Variants in IQSEC3 observed in about 807,000 individuals in gnomAD.
IQSEC3 encodes the protein IQ motif and SEC7 domain-containing protein 3.
IQSEC3 carries 50 observed loss-of-function variants against 105.4 expected under a neutral mutation model. The ratio of observed to expected loss-of-function variants is 0.47; its 90% CI spans 0.38 to 0.60. IQSEC3 has a LOEUF of 0.60. IQSEC3 is among the 20% of genes least tolerant of loss of function. The pLI is 0.00. For missense variants in IQSEC3, 1,415 were observed against 1,630.0 expected, an observed-to-expected ratio of 0.87 and a Z score of 2.27; for synonymous variants, 708 against 746.0, an observed-to-expected ratio of 0.95 and a Z score of 0.83.
intron 3 of IQSEC3, among the ~76,000 whole-genome samples, chr12:131,986 C>G (rs1555085246): frequency 6.6e-6 from 1 of 152,106 alleles, no homozygotes; most frequent in East Asian, 1.9e-4. Context: ...ATAACTTATG[C>G]TCTGTTGGAG....
chr12:167,170 G>C (rs11061708), intron 11 of IQSEC3: 68,994 of 151,916 alleles, frequency 0.45, 17,033 homozygotes, highest in East Asian at 0.57. Flanking sequence ...TTCTTTTCAA[G>C]GGCTGGACCG....
Position 141,301 on chromosome 12 carries a change from T to C in IQSEC3, c.2153+16T>C. ...ACGTGCTGGAGTGAGTACCCCACAC[T>C]CCGGGCTTTCCCCACTCCTTCCCAC... On this transcript the variant is annotated intron_variant, in intron 5 of 13. Coordinates refer to ENST00000538872, the MANE Select transcript of IQSEC3 (RefSeq NM_001170738.2). 6.2e-7 allele frequency: 1 copy of C among 1,603,328 alleles called. No individual in the cohort carries two copies. The highest frequency in any genetic ancestry group is 8.5e-7 in the Non-Finnish European group (1 of 1,171,504).
intron 10 of IQSEC3, 83 bp downstream of exon 10, chr12:165,616 G>A (rs1399506750): frequency 1.3e-6 from 2 of 1,571,050 alleles, no homozygotes; most frequent in Non-Finnish European, 1.8e-6. Flanking sequence ...AGAAGGGCTG[G>A]ACAGCAGAGT....
chr12:112,586 CCTAGA>C (rs1864927767), intron 2 of IQSEC3, among the ~76,000 whole-genome samples: 1 of 152,200 alleles, frequency 6.6e-6, no homozygotes, highest in Non-Finnish European at 1.5e-5. Flanking sequence ...ACCACACTGA[CCTAGA>C]CAAGGCACAA....
intron 5 of IQSEC3, among the ~76,000 whole-genome samples, chr12:155,962 T>C (rs782653526): frequency 2.6e-5 from 4 of 152,122 alleles, no homozygotes; most frequent in African/African-American, 7.2e-5. Flanking sequence ...CCAGGGGACA[T>C]TGGGTCCCCT....
chr12:124,703 G>A (rs1018038388), intron 2 of IQSEC3, among the ~76,000 whole-genome samples: 3 of 152,230 alleles, frequency 2.0e-5, no homozygotes, highest in African/African-American at 7.2e-5. Context: ...AGTGAAAGCT[G>A]CAGTCGTCCA....
chr12:141,063 G>A, intron 4 of IQSEC3, 61 bp from the exon 5 acceptor site: 2 of 1,504,988 alleles, frequency 1.3e-6, no homozygotes, highest in Non-Finnish European at 1.8e-6. Context: ...AAGACAGGGA[G>A]GAAAGAGTCA....
rs1939239795 is a variant in IQSEC3, at chr12:176,430, T to G, written c.*1397T>G. On this transcript the variant is annotated 3_prime_UTR_variant, in exon 14 of 14. Coordinates refer to ENST00000538872, the MANE Select transcript of IQSEC3 (RefSeq NM_001170738.2). This position sits in a 1 kb window ranked among gnomAD's most constrained non-coding sequence, Gnocchi z 4.0. ...CTCCAGTCCTGTGCCAGTAGCTCAC[T>G]GCTGTCCTATGTGCAGGTCCCCCAA... 6.6e-6 allele frequency: 1 copy of G among 152,302 alleles called. No homozygotes were observed. The highest frequency in any genetic ancestry group is 6.5e-5 in the Admixed American group (1 of 15,284). The allele number at this position is 152,302 out of a possible 1,614,324, so 9.4% of individuals were successfully genotyped here. A position where few individuals can be genotyped will look rare whatever the true frequency, so the allele number is the denominator to read the frequency against.
intron 1 of IQSEC3, among the ~76,000 whole-genome samples, chr12:89,193 C>A (rs1864008129): frequency 1.3e-5 from 2 of 152,246 alleles, no homozygotes; most frequent in South Asian, 4.2e-4. Context: ...CCAATTTTCT[C>A]ATTGTCCCAG....
chr12:160,993 G>A (rs2137047155), intron 7 of IQSEC3, among the ~76,000 whole-genome samples: 1 of 152,194 alleles, frequency 6.6e-6, no homozygotes, highest in African/African-American at 2.4e-5. Context: ...CTTTCTCCTT[G>A]GTTTTTCTCA....
At chr12:155,616 C>T (rs1420793484) in intron 5 of IQSEC3, among the ~76,000 whole-genome samples, 6 of 152,158 alleles carry the variant, frequency 3.9e-5, no homozygotes, top group South Asian at 2.1e-4. Flanking sequence ...TAAAAACTGA[C>T]GGCAGAGTTG....
In IQSEC3 at chr12:122,345, G is replaced by A. The variant is rs145157239; in HGVS notation, c.624-3288G>A. Among the ~76,000 whole-genome samples, 313 of 152,328 alleles carry A rather than the reference G, an allele frequency of 2.1e-3. 5 individuals carry two copies. The highest frequency in any genetic ancestry group is 7.0e-3 in the African/African-American group (289 of 41,576). On this transcript the variant is annotated intron_variant, in intron 2 of 13. Coordinates refer to ENST00000538872, the MANE Select transcript of IQSEC3 (RefSeq NM_001170738.2). The stretch of plus-strand genomic sequence containing the variant: ...GGAACAGATGAGGAGACTGGCCCAG[G>A]AGGAGGACACAAATTGCCCAAAGCC...
chr12:101,911 C>T (rs1447935619), intron 2 of IQSEC3, among the ~76,000 whole-genome samples: 2 of 152,194 alleles, frequency 1.3e-5, no homozygotes, highest in African/African-American at 4.8e-5. Flanking sequence ...ATCCCTTCCC[C>T]TAGCCCAGCT....
intron 1 of IQSEC3, among the ~76,000 whole-genome samples, chr12:92,076 G>A (rs7135697): frequency 0.5 from 76,599 of 151,920 alleles, 20,050 homozygotes; most frequent in African/African-American, 0.54. Context: ...ACTACCTCAT[G>A]TTTAGGTTTT....
chr12:80,207 A>G (rs1245091098), intron 1 of IQSEC3, among the ~76,000 whole-genome samples: 1 of 152,236 alleles, frequency 6.6e-6, no homozygotes, highest in Non-Finnish European at 1.5e-5. Flanking sequence ...TCCTGCAGAC[A>G]TGGGTCAGTT....
At chr12:173,000 G>A (rs1366431286) in intron 13 of IQSEC3, among the ~76,000 whole-genome samples, 2 of 152,162 alleles carry the variant, frequency 1.3e-5, no homozygotes, top group African/African-American at 2.4e-5. Flanking sequence ...ATTCGCCTGG[G>A]GAGAGGCCGC....
intron 13 of IQSEC3, among the ~76,000 whole-genome samples, chr12:172,578 C>G (rs1555100679): frequency 3.9e-5 from 6 of 152,202 alleles, no homozygotes; most frequent in Admixed American, 3.9e-4. Flanking sequence ...AGAGGGCAGC[C>G]TCGCCTCCCA....
chr12:98,330 GTT>G (rs1266771920), intron 1 of IQSEC3, among the ~76,000 whole-genome samples: 5 of 152,328 alleles, frequency 3.3e-5, no homozygotes, highest in Non-Finnish European at 2.9e-5. Context: ...TCACCTGGGA[GTT>G]TATTAAAAAG....
At chr12:114,628 C>T (rs1864995243) in intron 2 of IQSEC3, among the ~76,000 whole-genome samples, 1 of 152,220 alleles carries the variant, frequency 6.6e-6, no homozygotes, top group African/African-American at 2.4e-5. Context: ...TTCTAGACAT[C>T]AGGGCAGGAG....
Sources: gnomAD v4.1 joint callset for allele counts (sites outside exome capture counted in the v4.1 genomes callset) on GRCh38, gnomAD v4.1.1 for gene constraint, Gnocchi (gnomAD v3.1) non-coding constraint, MANE v1.5 for transcripts, NCBI Gene and HGNC (gene_info 2026-07-23, HGNC 2026-07-21) for gene names.